The following MYO3A variants were observed in gnomAD, a reference collection of about 807,000 sequenced individuals.
MYO3A encodes myosin-IIIa.
A neutral mutation model predicts 192.7 loss-of-function variants in MYO3A; 180 were observed. The observed-to-expected ratio is 0.93, with a 90% confidence interval of 0.83 to 1.06. The LOEUF (loss-of-function observed/expected upper bound fraction) is 1.06. Ranked by LOEUF, MYO3A falls within the 50% of genes least tolerant of loss-of-function variation. The pLI, the probability that MYO3A is intolerant of heterozygous loss-of-function variation, is 0.00. For missense variants in MYO3A, 1,896 were observed against 1,905.0 expected (o/e 1.00, Z 0.09); for synonymous variants, 628 against 645.3 (o/e 0.97, Z 0.41).
chr10:26,087,286 A>G (rs1341764220), intron 14 of MYO3A, among the ~76,000 whole-genome samples: 2 of 152,068 alleles, frequency 1.3e-5, no homozygotes, highest in African/African-American at 4.8e-5. Flanking sequence ...AAGATACCCA[A>G]AGTTCTTACA....
intron 4 of MYO3A, among the ~76,000 whole-genome samples, chr10:25,972,569 G>T (rs750455544): frequency 1.3e-5 from 2 of 152,088 alleles, no homozygotes; most frequent in South Asian, 2.1e-4. Context: ...AGAAGTCTTC[G>T]TACTAAGTTC....
intron 4 of MYO3A, among the ~76,000 whole-genome samples, chr10:25,984,038 C>A (rs1588702720): frequency 6.6e-6 from 1 of 152,154 alleles, no homozygotes; most frequent in East Asian, 1.9e-4. Flanking sequence ...GAAAGAAGGT[C>A]TTTTCCAGAC....
chr10:25,949,387 T>C (rs886456198), intron 2 of MYO3A, among the ~76,000 whole-genome samples: 1 of 152,142 alleles, frequency 6.6e-6, no homozygotes, highest in Non-Finnish European at 1.5e-5. Flanking sequence ...TTCTGTTGGT[T>C]GACAACTCCT....
In MYO3A at chr10:26,211,953, A is replaced by G; in HGVS notation, c.4841A>G (p.Gln1614Arg). The G allele has an allele frequency of 1.2e-6, 2 of 1,613,966 alleles. No individual in the cohort carries two copies. The highest frequency in any genetic ancestry group is 2.2e-5 in the East Asian group (1 of 44,878). The change falls in exon 35 of 35, where the codon CAG becomes CGG. Residue 1614 changes from glutamine (Q) to arginine (R), a missense_variant. By Grantham distance (43) the Gln-to-Arg change is conservative. Transcript: ENST00000642920. The stretch of plus-strand genomic sequence containing the variant: ...ACCTCCCAGCGCCGGCGCCTCGTCC[A>G]GCAGTCCTAACCGTTCAACGAGGCA... ...RKTSQRRRLV[Q>R]QS
chr10:26,026,320 A>G, intron 9 of MYO3A, 57 bp from the exon 10 acceptor site: 1 of 1,586,496 alleles, frequency 6.3e-7, no homozygotes, highest in Non-Finnish European at 8.6e-7. Context: ...GAATATGAAT[A>G]ATAGTTTCAA....
chr10:25,947,621 G>A (rs577170152), intron 2 of MYO3A, among the ~76,000 whole-genome samples: 1 of 152,038 alleles, frequency 6.6e-6, no homozygotes, highest in Non-Finnish European at 1.5e-5. Context: ...TCGAACTCCC[G>A]ACCTCAGGTG....
At chr10:25,966,183 G>A (rs529910733) in intron 4 of MYO3A, among the ~76,000 whole-genome samples, 66 of 152,224 alleles carry the variant, frequency 4.3e-4, no homozygotes, top group African/African-American at 1.5e-3. Flanking sequence ...CTGAAGCCAC[G>A]ATATACTTTG....
intron 4 of MYO3A, among the ~76,000 whole-genome samples, chr10:25,978,817 A>G (rs758931208): frequency 6.6e-6 from 1 of 152,178 alleles, no homozygotes; most frequent in Non-Finnish European, 1.5e-5. Context: ...GAATTTGTTT[A>G]TATGCTTTAG....
At chr10:25,945,867 C>T (rs1448413744) in intron 2 of MYO3A, among the ~76,000 whole-genome samples, 1 of 152,022 alleles carries the variant, frequency 6.6e-6, no homozygotes, top group Non-Finnish European at 1.5e-5. Flanking sequence ...TTTGTAATGA[C>T]ATGTTTTGAT....
chr10:26,191,480 G>A (rs1589108985), intron 31 of MYO3A, among the ~76,000 whole-genome samples: 1 of 152,202 alleles, frequency 6.6e-6, no homozygotes, highest in Admixed American at 6.5e-5. Flanking sequence ...TTACTAATCT[G>A]TACTAACATG....
chr10:26,120,921 T>G (rs1838825649), intron 18 of MYO3A, 119 bp downstream of exon 18: 2 of 1,285,338 alleles, frequency 1.6e-6, no homozygotes, highest in Non-Finnish European at 2.2e-6. Flanking sequence ...AAAAGAATAC[T>G]CAGATTTAAT....
chr10:25,968,021 T>C (rs1838369790), intron 4 of MYO3A, among the ~76,000 whole-genome samples: 1 of 152,124 alleles, frequency 6.6e-6, no homozygotes, highest in African/African-American at 2.4e-5. Context: ...GAGGATATCA[T>C]TTAAATAATG....
chr10:25,941,255 G>A (rs1039921184), intron 2 of MYO3A, among the ~76,000 whole-genome samples: 1 of 152,188 alleles, frequency 6.6e-6, no homozygotes, highest in African/African-American at 2.4e-5. Flanking sequence ...CTAGAACCCT[G>A]ACAGTTTCTG....
At chr10:26,007,505 G>C (rs1209569385) in intron 6 of MYO3A, among the ~76,000 whole-genome samples, 5,534 of 150,308 alleles carry the variant, frequency 0.037, 143 homozygotes, top group Middle Eastern at 0.049. Flanking sequence ...CTGAAAATCT[G>C]CTTAAGCTGA....
At chr10:26,089,134 T>TA (rs1345324292) in intron 15 of MYO3A, among the ~76,000 whole-genome samples, 11 of 152,242 alleles carry the variant, frequency 7.2e-5, no homozygotes, top group Non-Finnish European at 1.2e-4. Flanking sequence ...ATTGTAGTAG[T>TA]ATGTCATGTT....
At chr10:25,951,032 C>T (rs996908793) in intron 2 of MYO3A, among the ~76,000 whole-genome samples, 11 of 151,930 alleles carry the variant, frequency 7.2e-5, no homozygotes, top group Admixed American at 2.0e-4. Flanking sequence ...CATAAAATGT[C>T]CTTTATAAAG....
At chr10:26,060,393 G>A (rs928621195) in intron 10 of MYO3A, among the ~76,000 whole-genome samples, 2 of 152,044 alleles carry the variant, frequency 1.3e-5, no homozygotes, top group Non-Finnish European at 2.9e-5. Flanking sequence ...GCTTGAACCT[G>A]GAAGGCAGAG....
At chr10:26,028,025 G>A (rs753221595) in intron 10 of MYO3A, among the ~76,000 whole-genome samples, 1 of 152,078 alleles carries the variant, frequency 6.6e-6, no homozygotes, top group Non-Finnish European at 1.5e-5. Context: ...TCACTATTTA[G>A]GGAGTTGGAA....
rs79804478 is a variant in MYO3A at position 26,105,220 on chromosome 10, G to A, written c.1776+8538G>A. Among the ~76,000 whole-genome samples the A allele has an allele frequency of 4.7e-3, 716 of 152,130 alleles. 6 individuals are homozygous for A. The highest frequency in any genetic ancestry group is 0.016 in the African/African-American group (671 of 41,528). ...CATTTCTTTCTGTGGAATAGGTTCC[G>A]TTCCTAGTAGTGGAATTTCTGGGTT... is the stretch of plus-strand genomic sequence containing the variant. On this transcript the variant is annotated intron_variant, in intron 17 of 34. Coordinates refer to ENST00000642920, the MANE Select transcript of MYO3A (RefSeq NM_017433.5).
Sources: gnomAD v4.1 joint callset for allele counts (sites outside exome capture counted in the v4.1 genomes callset) on GRCh38, gnomAD v4.1.1 for gene constraint, MANE v1.5 for transcripts, NCBI Gene and HGNC (gene_info 2026-07-23, HGNC 2026-07-21) for gene names.